AXIN1: variants seen among roughly 807,000 people sequenced by gnomAD.
AXIN1 encodes axin-1.
Under a neutral mutation model 76.4 loss-of-function variants are expected in AXIN1, and 30 were observed. That is an observed-to-expected ratio of 0.39 (90% CI 0.29 to 0.53). The LOEUF (loss-of-function observed/expected upper bound fraction) is 0.53, where lower values mean the gene tolerates loss of function less well. AXIN1 is among the 20% of genes least tolerant of loss of function. The pLI, the probability that AXIN1 is intolerant of heterozygous loss-of-function variation, is 0.66. For synonymous variants in AXIN1, 545 were observed against 501.4 expected (o/e 1.09, Z -1.16); for missense variants, 1,140 against 1,198.8 (o/e 0.95, Z 0.72).
intron 2 of AXIN1, among the ~76,000 whole-genome samples, chr16:343,250 C>T (rs1360549985): frequency 6.6e-6 from 1 of 152,196 alleles, no homozygotes; most frequent in African/African-American, 2.4e-5. Context: ...TTCCTTATTA[C>T]AAATACAGCA....
rs1482828396 is a variant in AXIN1, at chr16:304,459, G to A, written c.1117-18C>T. On this transcript the variant is annotated intron_variant, in intron 4 of 10. Coordinates refer to ENST00000262320, the MANE Select transcript of AXIN1 (RefSeq NM_003502.4). The stretch of plus-strand genomic sequence containing the variant: ...TACGTGCGCTGCGAGGGACAGGACT[G>A]TGAGGCACGGGGGTTGAAAGGTCAC... 1.9e-6 allele frequency: 3 copies of A among 1,612,498 alleles called. No individual in the cohort carries two copies. The African/African-American group carries it at 4.0e-5, about 22-fold the overall frequency.
chr16:314,064 C>G (rs1235592818), intron 3 of AXIN1, among the ~76,000 whole-genome samples: 1 of 152,246 alleles, frequency 6.6e-6, no homozygotes, highest in East Asian at 1.9e-4. Context: ...GGTGAGGCAG[C>G]TGGCCTGTGC....
At chr16:288,668 C>T (rs1266291976) in intron 10 of AXIN1, among the ~76,000 whole-genome samples, 3 of 152,240 alleles carry the variant, frequency 2.0e-5, no homozygotes, top group African/African-American at 4.8e-5. Context: ...GGGAACCACC[C>T]GCCAGGCTCT....
At chr16:319,225 C>G (rs951276148) in intron 2 of AXIN1, among the ~76,000 whole-genome samples, 60 of 152,094 alleles carry the variant, frequency 3.9e-4, no homozygotes, top group African/African-American at 1.4e-3. Context: ...AGAATCCCAG[C>G]GACTTGGGAG....
At chr16:349,417 C>T (rs532420422) in intron 1 of AXIN1, among the ~76,000 whole-genome samples, 5 of 152,296 alleles carry the variant, frequency 3.3e-5, no homozygotes, top group South Asian at 2.1e-4. Flanking sequence ...CTGTCTGGGA[C>T]GCCATCACAG....
chr16:304,270 G>A (rs200997228), intron 5 of AXIN1, 34 bp downstream of exon 5: 188 of 1,602,452 alleles, frequency 1.2e-4, no homozygotes, highest in African/African-American at 3.5e-4. Context: ...GCACGACACC[G>A]ACGCGGAGCG....
At chr16:298,396 C>G in intron 5 of AXIN1, 145 bp from the exon 6 acceptor site, 1 of 1,005,586 alleles carries the variant, frequency 9.9e-7, no homozygotes, top group Non-Finnish European at 1.5e-6. Flanking sequence ...CGGTCCTGTC[C>G]CTGAGGATGG....
intron 5 of AXIN1, 138 bp downstream of exon 5, chr16:304,166 G>C: frequency 7.0e-7 from 1 of 1,420,876 alleles, no homozygotes; most frequent in Non-Finnish European, 9.7e-7. Context: ...GGGGAACAGG[G>C]GACTCAGCCG....
chr16:299,202 T>C (rs2052800971), intron 5 of AXIN1: 1 of 985,334 alleles, frequency 1.0e-6, no homozygotes. Context: ...TGCTGAAGCT[T>C]ATCTGTCAGA....
At chr16:327,418 G>A (rs1488101124) in intron 2 of AXIN1, among the ~76,000 whole-genome samples, 1 of 152,244 alleles carries the variant, frequency 6.6e-6, no homozygotes, top group African/African-American at 2.4e-5. Context: ...TTCCGGCTCA[G>A]CCCTGCGGCC....
intron 8 of AXIN1, 107 bp from the exon 9 acceptor site, chr16:291,404 C>G (rs542810382): frequency 1.1e-6 from 1 of 933,340 alleles, no homozygotes; most frequent in East Asian, 2.6e-5. Flanking sequence ...GTGAAGGGCC[C>G]GAACAACCCA....
At chr16:322,850 C>T (rs58618366) in intron 2 of AXIN1, among the ~76,000 whole-genome samples, 3 of 152,218 alleles carry the variant, frequency 2.0e-5, no homozygotes, top group Non-Finnish European at 2.9e-5. Context: ...CTGAGGATGG[C>T]GGGCAGTGGC....
intron 2 of AXIN1, among the ~76,000 whole-genome samples, chr16:333,562 A>G (rs1038192803): frequency 4.0e-5 from 6 of 151,360 alleles, no homozygotes; most frequent in African/African-American, 1.5e-4. Context: ...ACTGTTGATA[A>G]AGAAAACATC....
At chr16:321,235 G>A (rs986238539) in intron 2 of AXIN1, among the ~76,000 whole-genome samples, 5 of 151,992 alleles carry the variant, frequency 3.3e-5, no homozygotes, top group East Asian at 1.9e-4. Flanking sequence ...GGCAGGAGCC[G>A]CCACCCTCCC....
At chr16:307,045 C>T (rs997247917) in intron 4 of AXIN1, among the ~76,000 whole-genome samples, 6 of 152,258 alleles carry the variant, frequency 3.9e-5, no homozygotes, top group East Asian at 3.8e-4. Flanking sequence ...AAGGCGCAGA[C>T]GTGGGAGTGG....
At chr16:326,736 CAAA>C (rs59159771) in intron 2 of AXIN1, among the ~76,000 whole-genome samples, 6 of 121,198 alleles carry the variant, frequency 5.0e-5, no homozygotes, top group Non-Finnish European at 7.0e-5. Flanking sequence ...AGAGTGGGAT[CAAA>C]AAAAAAAAAA....
At chr16:297,685 C>A (rs770736763) in intron 6 of AXIN1, 37 bp downstream of exon 6, 3 of 1,566,368 alleles carry the variant, frequency 1.9e-6, no homozygotes, top group East Asian at 2.3e-5. Context: ...CACAGCCTCA[C>A]CCCAAGCCCC....
At chr16:296,530 C>T (rs2052716011) in intron 7 of AXIN1, among the ~76,000 whole-genome samples, 2 of 152,198 alleles carry the variant, frequency 1.3e-5, no homozygotes, top group African/African-American at 4.8e-5. Flanking sequence ...GCCCGGCGGG[C>T]AGCGGCAGGG....
At position 313,977 on chromosome 16, in the gene AXIN1, A is replaced by G. The variant is rs181573213; in HGVS notation, c.1019+566T>C. Among the ~76,000 whole-genome samples, 349 of 152,324 alleles carry G rather than the reference A, an allele frequency of 2.3e-3. 3 individuals carry two copies. The highest frequency in any genetic ancestry group is 0.015 in the Admixed American group (236 of 15,302). On this transcript the variant is annotated intron_variant, in intron 3 of 10. Transcript: ENST00000262320. The stretch of plus-strand genomic sequence containing the variant: ...GCCCCTTGCCAAGTGGGTGACAGGG[A>G]CAAGACAGGACCCTGTACTGCACCA...
Sources: gnomAD v4.1 joint callset for allele counts (sites outside exome capture counted in the v4.1 genomes callset) on GRCh38, gnomAD v4.1.1 for gene constraint, MANE v1.5 for transcripts, NCBI Gene and HGNC (gene_info 2026-07-23, HGNC 2026-07-21) for gene names.